The following MORC2 variants were observed in gnomAD, a reference collection of about 807,000 sequenced individuals.
The protein encoded by MORC2 is MORC family CW-type zinc finger 2.
A neutral mutation model predicts 136.0 loss-of-function variants in MORC2; 30 were observed. The observed-to-expected ratio is 0.22, with a 90% CI of 0.17 to 0.30. The LOEUF (loss-of-function observed/expected upper bound fraction) is 0.30, where lower values mean the gene tolerates loss of function less well. Among genes scored for constraint, MORC2 ranks in the 10% least tolerant of loss-of-function variants. The pLI is 1.00. For synonymous variants in MORC2, 439 were observed against 487.0 expected (o/e 0.90, Z 1.30); for missense variants, 922 against 1,333.1 (o/e 0.69, Z 4.80).
chr22:30,938,319 T>C, intron 12 of MORC2, 114 bp from the exon 13 acceptor site: 4 of 1,221,764 alleles, frequency 3.3e-6, no homozygotes, highest in Non-Finnish European at 4.5e-6. Flanking sequence ...AAAAGTTTTG[T>C]ATCTCTATTT....
At chr22:30,959,172 G>A (rs773254900) in intron 1 of MORC2, among the ~76,000 whole-genome samples, 2 of 152,160 alleles carry the variant, frequency 1.3e-5, no homozygotes, top group African/African-American at 2.4e-5. Flanking sequence ...CTGGAGTATA[G>A]TAAGTTTTGA....
intron 20 of MORC2, among the ~76,000 whole-genome samples, chr22:30,933,746 C>A (rs1424868812): frequency 6.6e-6 from 1 of 152,170 alleles, no homozygotes; most frequent in Non-Finnish European, 1.5e-5. Context: ...GTGTTTCAAG[C>A]CTCACTGATG....
chr22:30,946,572 A>G, intron 5 of MORC2, 123 bp from the exon 6 acceptor site: 1 of 743,642 alleles, frequency 1.3e-6, no homozygotes, highest in Non-Finnish European at 2.2e-6. Flanking sequence ...AGGCCCCCCC[A>G]GGTCCCAGGA....
chr22:30,931,730 T>C (rs1446658272), intron 24 of MORC2, among the ~76,000 whole-genome samples: 2 of 152,232 alleles, frequency 1.3e-5, no homozygotes, highest in African/African-American at 2.4e-5. Flanking sequence ...CAGCCCTCCA[T>C]AGCCTTTCTA....
In MORC2 at chr22:30,934,668, G is replaced by T; in HGVS notation, c.2193+113C>A. 7.0e-7 allele frequency: 1 copy of T among 1,430,028 alleles called. No individual in the cohort carries two copies. Among genetic ancestry groups the T allele is most frequent in the Non-Finnish European group, 9.5e-7 (1 of 1,054,758 alleles). The allele number at this position is 1,430,028 out of a possible 1,614,324, so 88.6% of individuals were successfully genotyped here. A position where few individuals can be genotyped will look rare whatever the true frequency, so the allele number is the denominator to read the frequency against. ...TCCCGTCCTCAGGGGCAGCAGCAAA[G>T]CTTTAGATTCAGTATCTTCCGAAGG... is the stretch of plus-strand genomic sequence containing the variant. On this transcript the variant is annotated intron_variant, in intron 19 of 25. Coordinates refer to ENST00000397641, the MANE Select transcript of MORC2 (RefSeq NM_001303256.3). This position sits in a 1 kb window ranked among gnomAD's most constrained non-coding sequence, Gnocchi z 4.4.
chr22:30,931,447 C>T (rs2040574881), intron 24 of MORC2, among the ~76,000 whole-genome samples: 1 of 152,196 alleles, frequency 6.6e-6, no homozygotes. Context: ...GATGACAGTT[C>T]CTTCAGCTCA....
chr22:30,937,951 A>C lies in MORC2; in HGVS notation c.1233T>G (p.Val411=). The C allele has an allele frequency of 6.2e-7, 1 of 1,614,016 alleles. No individual in the cohort carries two copies. The highest frequency in any genetic ancestry group is 1.7e-5 in the Admixed American group (1 of 60,006). Residue 411 remains valine (V), a synonymous_variant, in exon 14 of 26, where the codon GTT becomes GTG. Coordinates refer to ENST00000397641, the MANE Select transcript of MORC2 (RefSeq NM_001303256.3). This position sits in a 1 kb window ranked among gnomAD's most constrained non-coding sequence, Gnocchi z 4.7. ...CCAGGTAGGGCACATCAACAACCCCAACAACCCCGCCACATGCCCTACAGG... is the reference window on the plus strand; with the variant it reads ...CCAGGTAGGGCACATCAACAACCCCCACAACCCCGCCACATGCCCTACAGG... ...LEGGMACGGV[V]GVVDVPYLVL... is the part of the protein sequence containing the mutation.
At chr22:30,956,922 A>G in intron 2 of MORC2, 125 bp from the exon 3 acceptor site, 1 of 706,898 alleles carries the variant, frequency 1.4e-6, no homozygotes, top group Non-Finnish European at 2.2e-6. Context: ...CAGAAATTCT[A>G]TAGACATTTA....
intron 5 of MORC2, among the ~76,000 whole-genome samples, chr22:30,948,986 G>T (rs1410852440): frequency 6.6e-6 from 1 of 152,104 alleles, no homozygotes; most frequent in East Asian, 1.9e-4. Context: ...GCTGCTGACT[G>T]ATCAAACCAC....
chr22:30,967,026 C>T, intron 1 of MORC2: 3 of 910,232 alleles, frequency 3.3e-6, no homozygotes, highest in African/African-American at 3.6e-5. Flanking sequence ...CATGTAGCTG[C>T]TCATCTCCTC....
chr22:30,927,122 T>A (rs2040497223), intron 25 of MORC2, among the ~76,000 whole-genome samples: 1 of 151,980 alleles, frequency 6.6e-6, no homozygotes, highest in Non-Finnish European at 1.5e-5. Context: ...TAGATGTATA[T>A]TTCCCTCAGA....
intron 6 of MORC2, among the ~76,000 whole-genome samples, chr22:30,945,210 C>A (rs2040798503): frequency 6.6e-6 from 1 of 152,200 alleles, no homozygotes; most frequent in Non-Finnish European, 1.5e-5. Flanking sequence ...TATCCTACTT[C>A]TCCTAGAAGC....
chr22:30,928,259 G>A, intron 24 of MORC2, 52 bp from the exon 25 acceptor site: 1 of 1,595,678 alleles, frequency 6.3e-7, no homozygotes, highest in Non-Finnish European at 8.6e-7. Flanking sequence ...GGGGTCCCCA[G>A]GGCCCTTCTA....
rs2040473898 is a variant in MORC2 at position 30,925,753 on chromosome 22, A to T, written c.*1050T>A. 6.5e-6 allele frequency: 1 copy of T among 153,614 alleles called. No homozygotes were observed. The highest frequency in any genetic ancestry group is 2.4e-5 in the African/African-American group (1 of 41,440). 9.5% of individuals were successfully genotyped at this position (153,614 alleles called of 1,614,324 possible). On this transcript the variant is annotated 3_prime_UTR_variant, in exon 26 of 26. Coordinates refer to ENST00000397641, the MANE Select transcript of MORC2 (RefSeq NM_001303256.3). ...CTTGCCTTTGTCTTTGACCCTGAGA[A>T]GTTAAGGGACACAGATTGTGGCGCC...
Position 30,932,653 on chromosome 22 carries a change from G to A in MORC2, c.2639C>T (p.Ala880Val). The change falls in exon 23 of 26, where the codon GCC becomes GTC. Residue 880 changes from alanine to valine, a missense_variant. Around this residue, in one of 9 missense-constraint regions of MORC2, gnomAD observed 263 missense variants for 388.3 expected, o/e 0.68. Coordinates refer to ENST00000397641, the MANE Select transcript of MORC2 (RefSeq NM_001303256.3). This position sits in a 1 kb window ranked among gnomAD's most constrained non-coding sequence, Gnocchi z 4.4. ...AGTGGAGGGCTCTGCGACAGCTATG[G>A]CCTGCTGGGCCACAGGGCCCACCTC... ...EEEVGPVAQQ[A>V]IAVAEPSTSE... The A allele has an allele frequency of 6.2e-7, 1 of 1,614,140 alleles. No individual in the cohort carries two copies. The highest frequency in any genetic ancestry group is 2.2e-5 in the East Asian group (1 of 44,866).
intron 20 of MORC2, 134 bp downstream of exon 20, chr22:30,933,926 G>C (rs551489119): frequency 5.5e-5 from 58 of 1,058,634 alleles, no homozygotes; most frequent in Admixed American, 2.3e-4. Context: ...ACTGCTGGTG[G>C]GGGGGGTAGA....
rs370913133 is a variant in MORC2, at chr22:30,926,917, T to TG, written c.3031-47dup. 11 of 1,539,194 alleles carry TG rather than the reference T, an allele frequency of 7.1e-6. No homozygotes were observed. The East Asian group carries it at 1.1e-4, about 16-fold the overall frequency. ...GATCAACTGGGGGCCAGAAAGTGAT[T>TG]GGGGGGCTCACCTTTCCACCCTTCT... On this transcript the variant is annotated intron_variant, in intron 25 of 25. Transcript: ENST00000397641.
intron 12 of MORC2, 40 bp from the exon 13 acceptor site, chr22:30,938,245 C>T (rs1242913268): frequency 1.2e-6 from 2 of 1,609,542 alleles, no homozygotes; most frequent in African/African-American, 1.3e-5. Flanking sequence ...TACACATCGG[C>T]ACACAAGCAC....
chr22:30,928,539 C>T (rs2040524904), intron 24 of MORC2, among the ~76,000 whole-genome samples: 1 of 152,222 alleles, frequency 6.6e-6, no homozygotes, highest in Non-Finnish European at 1.5e-5. Flanking sequence ...CTCTTCCATG[C>T]TCAATCATAA....
Sources: gnomAD v4.1 joint callset for allele counts (sites outside exome capture counted in the v4.1 genomes callset) on GRCh38, gnomAD v4.1.1 for gene constraint, gnomAD v4.1.1 regional missense constraint, Gnocchi (gnomAD v3.1) non-coding constraint, MANE v1.5 for transcripts, NCBI Gene and HGNC (gene_info 2026-07-23, HGNC 2026-07-21) for gene names.